RFXANK: variants seen among roughly 807,000 people sequenced by gnomAD.
The protein encoded by RFXANK is DNA-binding protein RFXANK.
RFXANK carries 19 observed loss-of-function variants against 34.5 expected under a neutral mutation model. That is an observed-to-expected ratio of 0.55 (90% CI 0.38 to 0.81). RFXANK has a LOEUF of 0.81. Ranked by LOEUF, RFXANK falls within the 30% of genes least tolerant of loss-of-function variation. RFXANK has a pLI of 0.00. For synonymous variants in RFXANK, 154 were observed against 149.8 expected (o/e 1.03, Z -0.20); for missense variants, 295 against 343.5 (o/e 0.86, Z 1.12).
rs1359837593 is a variant in RFXANK at position 19,194,077 on chromosome 19, C to T, written c.131C>T (p.Pro44Leu). Residue 44 changes from proline (P) to leucine (L), a missense_variant, in exon 3 of 10, where the codon CCC (proline) becomes CTC (leucine). Coordinates refer to ENST00000303088, the MANE Select transcript of RFXANK (RefSeq NM_003721.4). ...GSDTVVLSLF[P>L]CTPEPVNPEP... Reference sequence around the variant, plus strand: ...GACACTGTGGTCCTCAGTCTCTTTCCCTGCACCCCTGAGCCTGTGAATCCT... The same window carrying T: ...GACACTGTGGTCCTCAGTCTCTTTCTCTGCACCCCTGAGCCTGTGAATCCT... The T allele has an allele frequency of 3.1e-6, 5 of 1,614,058 alleles. No individual in the cohort carries two copies. Among genetic ancestry groups the T allele is most frequent in the African/African-American group, 1.3e-5 (1 of 74,910 alleles).
intron 9 of RFXANK, among the ~76,000 whole-genome samples, chr19:19,199,442 T>G (rs2060659559): frequency 6.6e-6 from 1 of 150,636 alleles, no homozygotes; most frequent in Non-Finnish European, 1.5e-5. Flanking sequence ...GGACAATGGG[T>G]GTCAGTGGCT....
intron 9 of RFXANK, among the ~76,000 whole-genome samples, chr19:19,200,175 CTTTTTT>C (rs978912398): frequency 2.5e-5 from 3 of 120,408 alleles, no homozygotes; most frequent in South Asian, 2.8e-4. Context: ...TTTGTTGTTG[CTTTTTT>C]TTTTTTTTTT....
Position 19,192,383 on chromosome 19 carries a change from G to A in RFXANK, c.-321G>A, listed in dbSNP as rs1030953570. The A allele has an allele frequency of 6.9e-6, 4 of 576,028 alleles. No homozygotes were observed. In the Admixed American group the frequency reaches 1.2e-4, roughly 18 times the overall value. The allele number at this position is 576,028 out of a possible 1,614,324, so 35.7% of individuals were successfully genotyped here. ...CGACACCCAGGCAGGAGAGGGGGAA[G>A]AACTCTCTCCCTTTCTGAACCCCCT... On this transcript the variant is annotated 5_prime_UTR_variant, in exon 1 of 10. Coordinates refer to ENST00000303088, the MANE Select transcript of RFXANK (RefSeq NM_003721.4).
chr19:19,192,449 C>T lies in RFXANK; in HGVS notation c.-255C>T. The stretch of plus-strand genomic sequence containing the variant: ...AGTTGGGGGAGTCCTCCACGCATTA[C>T]CCACTCGGGCCGCAAAAACTCCCTT... On this transcript the variant is annotated 5_prime_UTR_variant, in exon 1 of 10. Transcript: ENST00000303088. 1 of 404,670 alleles carries T rather than the reference C, an allele frequency of 2.5e-6. No homozygotes were observed. Among genetic ancestry groups the T allele is most frequent in the East Asian group, 4.6e-5 (1 of 21,600 alleles). 25.1% of individuals were successfully genotyped at this position (404,670 alleles called of 1,614,324 possible). A position where few individuals can be genotyped will look rare whatever the true frequency, so the allele number is the denominator to read the frequency against.
intron 9 of RFXANK, among the ~76,000 whole-genome samples, chr19:19,200,110 A>T (rs939758875): frequency 1.0e-4 from 15 of 149,230 alleles, no homozygotes; most frequent in African/African-American, 3.7e-4. Flanking sequence ...TCCTCCCACC[A>T]CAGCCTCCCG....
At chr19:19,192,696 G>T (rs1018133763) in intron 1 of RFXANK, 142 bp downstream of exon 1, 1 of 153,206 alleles carries the variant, frequency 6.5e-6, no homozygotes, top group Non-Finnish European at 1.5e-5. Context: ...GTGAGCGGGC[G>T]CAGGCGTAGT....
At chr19:19,195,204 C>G (rs1226621265) in intron 3 of RFXANK, among the ~76,000 whole-genome samples, 1 of 138,402 alleles carries the variant, frequency 7.2e-6, no homozygotes, top group African/African-American at 2.8e-5. Flanking sequence ...GACTACAGTC[C>G]GTTTTTTTTT....
chr19:19,196,112 G>A (rs1599779239), intron 3 of RFXANK, among the ~76,000 whole-genome samples: 1 of 152,154 alleles, frequency 6.6e-6, no homozygotes, highest in Non-Finnish European at 1.5e-5. Flanking sequence ...GCACCTACTT[G>A]ACCCCCGACT....
At position 19,195,205 on chromosome 19, in the gene RFXANK, GT is replaced by G. The variant is rs200720955; in HGVS notation, c.187+1089del. ...TCCCGAGTAGCTGGGACTACAGTCCGTTTTTTTTTTTTTTTTTAAATGGAGG... is the reference window on the plus strand; with the variant it reads ...TCCCGAGTAGCTGGGACTACAGTCCGTTTTTTTTTTTTTTTTAAATGGAGG... On this transcript the variant is annotated intron_variant, in intron 3 of 9. Transcript: ENST00000303088. 4.2e-3 allele frequency among the ~76,000 whole-genome samples: 497 copies of G among 117,808 alleles called. 1 individual carries two copies. The highest frequency in any genetic ancestry group is 0.011 in the Middle Eastern group (2 of 190). The allele number at this position is 117,808 out of a possible 152,430, so 77.3% of individuals were successfully genotyped here.
intron 7 of RFXANK, 138 bp from the exon 8 acceptor site, chr19:19,198,519 G>C: frequency 9.0e-7 from 1 of 1,114,932 alleles, no homozygotes; most frequent in Non-Finnish European, 1.3e-6. Context: ...AGGTGTCTAA[G>C]CTTGAGACCC....
Position 19,198,506 on chromosome 19 carries a change from G to A in RFXANK, c.565-151G>A, listed in dbSNP as rs886262804. ...GGGAAATCAGAGAGGTCTTCCTGGA[G>A]GAAGGTGTCTAAGCTTGAGACCCCA... On this transcript the variant is annotated intron_variant, in intron 7 of 9. Transcript: ENST00000303088. 1.3e-5 allele frequency: 13 copies of A among 1,015,060 alleles called. No homozygotes were observed. The East Asian group carries it at 2.9e-4, about 22-fold the overall frequency. The allele number at this position is 1,015,060 out of a possible 1,614,324, so 62.9% of individuals were successfully genotyped here.
At chr19:19,198,962 AC>A (rs1487043024) in intron 8 of RFXANK, 191 bp from the exon 9 acceptor site, 6 of 756,886 alleles carry the variant, frequency 7.9e-6, no homozygotes, top group African/African-American at 6.9e-5. Flanking sequence ...TGGTTCAGAG[AC>A]CCTTCAGCCA....
rs757059776 is a variant in RFXANK at position 19,196,990 on chromosome 19, C to T, written c.215C>T (p.Thr72Ile). ...GGCAGCTCCCTGAAGCACTCCACCACTCTCACCAACCGGCAGCGAGGGAAC... is the reference window on the plus strand; with the variant it reads ...GGCAGCTCCCTGAAGCACTCCACCATTCTCACCAACCGGCAGCGAGGGAAC... ...QAGSSLKHSTTLTNRQRGNEV... is the reference protein window; with the variant it reads ...QAGSSLKHSTILTNRQRGNEV... The change falls in exon 4 of 10, where the codon ACT (threonine) becomes ATT (isoleucine). Residue 72 changes from threonine to isoleucine, a missense_variant. Thr to Ile is a moderately conservative substitution (Grantham distance 89). Transcript: ENST00000303088. The T allele has an allele frequency of 1.9e-6, 3 of 1,612,966 alleles. No homozygotes were observed. Among genetic ancestry groups the T allele is most frequent in the African/African-American group, 2.7e-5 (2 of 74,926 alleles).
At chr19:19,201,026 C>G (rs1042802920) in intron 9 of RFXANK, 1 of 203,854 alleles carries the variant, frequency 4.9e-6, no homozygotes, top group Admixed American at 5.4e-5. Flanking sequence ...CTCAAACTCC[C>G]GACCTCAGGT....
chr19:19,201,633 C>T lies in RFXANK; in HGVS notation c.713-16C>T. 1 of 1,614,070 alleles carries T rather than the reference C, an allele frequency of 6.2e-7. No homozygotes were observed. Among genetic ancestry groups the T allele is most frequent in the Non-Finnish European group, 8.5e-7 (1 of 1,180,024 alleles). ...GATTCAAGCTCACAGCCCACCTTTTCCCTGCCCCATCTCAGTGCAACAGGT... is the reference window on the plus strand; with the variant it reads ...GATTCAAGCTCACAGCCCACCTTTTTCCTGCCCCATCTCAGTGCAACAGGT... On this transcript the variant is annotated splice_polypyrimidine_tract_variant and intron_variant, in intron 9 of 9. Transcript: ENST00000303088.
Position 19,199,161 on chromosome 19 carries a change from C to T in RFXANK, c.639C>T (p.Gly213=), listed in dbSNP as rs745918077. ...CTCCCCTCTCCTTTGCAGCCCGAGG[C>T]GCTGACCTCACCACCGAAGCCGACT... ...VKCVEALLAR[G]ADLTTEADSG... is the part of the protein sequence containing the mutation. Residue 213 remains glycine, a synonymous_variant, in exon 9 of 10, where the codon GGC becomes GGT. Coordinates refer to ENST00000303088, the MANE Select transcript of RFXANK (RefSeq NM_003721.4). 1.7e-5 allele frequency: 27 copies of T among 1,613,694 alleles called. No individual in the cohort carries two copies. Among genetic ancestry groups the T allele is most frequent in the African/African-American group, 8.0e-5 (6 of 74,898 alleles).
intron 8 of RFXANK, 27 bp from the exon 9 acceptor site, chr19:19,199,127 T>G (rs1376852540): frequency 6.2e-7 from 1 of 1,609,848 alleles, no homozygotes; most frequent in African/African-American, 1.3e-5. Context: ...GGCCCCACCC[T>G]CCAGCGCCCT....
In RFXANK at chr19:19,197,042, A is replaced by G; in HGVS notation, c.267A>G (p.Leu89=). ...AGGTGTCAGCTCTGCCGGCCACCCT[A>G]GACTGTGAGTGGGCCCACGGTCCCC... The part of the protein sequence containing the change: ...GNEVSALPAT[L]DSLSIHQLAA... Residue 89 remains leucine, a synonymous_variant, in exon 4 of 10, where the codon CTA becomes CTG. Coordinates refer to ENST00000303088, the MANE Select transcript of RFXANK (RefSeq NM_003721.4). 3 of 1,613,566 alleles carry G rather than the reference A, an allele frequency of 1.9e-6. No individual in the cohort carries two copies. Among genetic ancestry groups the G allele is most frequent in the Non-Finnish European group, 2.5e-6 (3 of 1,179,992 alleles).
chr19:19,192,730 C>T (rs73922822), intron 1 of RFXANK, 176 bp downstream of exon 1: 6,017 of 152,878 alleles, frequency 0.039, 416 homozygotes, highest in African/African-American at 0.14. Context: ...CCCTTTAGGC[C>T]CCGCCCATTC....
Sources: gnomAD v4.1 joint callset for allele counts (sites outside exome capture counted in the v4.1 genomes callset) on GRCh38, gnomAD v4.1.1 for gene constraint, MANE v1.5 for transcripts, NCBI Gene and HGNC (gene_info 2026-07-23, HGNC 2026-07-21) for gene names.